Variants in CASTOR2 observed in about 807,000 individuals in gnomAD.
The protein encoded by CASTOR2 is GATS protein like 2.
A neutral mutation model predicts 31.2 loss-of-function variants in CASTOR2; 8 were observed. The observed-to-expected ratio is 0.26, with a 90% CI of 0.15 to 0.46. The LOEUF (loss-of-function observed/expected upper bound fraction) is 0.46. Ranked by LOEUF, CASTOR2 falls within the 20% of genes least tolerant of loss-of-function variation. The probability of loss-of-function intolerance (pLI) is 0.99; values close to 1 mark genes in which losing one functional copy is unlikely to be tolerated. For missense variants in CASTOR2, 216 were observed against 382.1 expected, an observed-to-expected ratio of 0.57 and a Z score of 3.62; for synonymous variants, 162 against 158.7, an observed-to-expected ratio of 1.02 and a Z score of -0.16.
intron 2 of CASTOR2, among the ~76,000 whole-genome samples, chr7:75,017,393 G>T (rs1268300238): frequency 1.3e-5 from 2 of 152,096 alleles, no homozygotes; most frequent in African/African-American, 4.8e-5. Flanking sequence ...GTTGCAGTGA[G>T]CCGAGATCGC....
intron 1 of CASTOR2, among the ~76,000 whole-genome samples, chr7:75,001,709 A>G (rs1300986486): frequency 1.3e-5 from 2 of 152,180 alleles, no homozygotes; most frequent in Non-Finnish European, 2.9e-5. Flanking sequence ...TGTTGATTCC[A>G]TGCCCAGCCA....
intron 1 of CASTOR2, among the ~76,000 whole-genome samples, chr7:74,996,714 G>GTTTT (rs1804356173): frequency 6.8e-5 from 3 of 44,066 alleles, no homozygotes; most frequent in Admixed American, 3.4e-4. Context: ...CATGCCTGGT[G>GTTTT]CTTTTTTTTT....
intron 1 of CASTOR2, among the ~76,000 whole-genome samples, chr7:74,979,461 G>A (rs1163815303): frequency 1.9e-5 from 2 of 104,194 alleles, no homozygotes; most frequent in Non-Finnish European, 3.7e-5. Flanking sequence ...GTGCAATCTC[G>A]GCTCAGTACA....
intron 1 of CASTOR2, among the ~76,000 whole-genome samples, chr7:74,977,248 G>A (rs1344040124): frequency 2.7e-5 from 4 of 150,322 alleles, no homozygotes; most frequent in South Asian, 2.1e-4. Flanking sequence ...GCCTGCACAC[G>A]GCTGGAAAGG....
rs1805222968 is a variant in CASTOR2 at position 75,029,018 on chromosome 7, A to AT, written c.*4322dup. 6.6e-6 allele frequency among the ~76,000 whole-genome samples: 1 copy of AT among 152,202 alleles called. No individual in the cohort carries two copies. Among genetic ancestry groups the AT allele is most frequent in the Non-Finnish European group, 1.5e-5 (1 of 68,026 alleles). On this transcript the variant is annotated 3_prime_UTR_variant, in exon 9 of 9. Coordinates refer to ENST00000616305, the MANE Select transcript of CASTOR2 (RefSeq NM_001145064.3). ...GAAGCAGCAGCGTAGCCAGGGTGAC[A>AT]TTTGTTCAGCAGGAGGAGGCTTGGT... is the stretch of plus-strand genomic sequence containing the variant.
chr7:75,001,369 C>T (rs1237756524), intron 1 of CASTOR2, among the ~76,000 whole-genome samples: 16 of 152,316 alleles, frequency 1.1e-4, no homozygotes, highest in Admixed American at 6.5e-4. Context: ...TGAGCCACTG[C>T]GCCCGGCCTC....
At chr7:74,972,652 G>A (rs1803702514) in intron 1 of CASTOR2, among the ~76,000 whole-genome samples, 1 of 150,418 alleles carries the variant, frequency 6.6e-6, no homozygotes, top group African/African-American at 2.4e-5. Context: ...ACGAGCCATG[G>A]TGAACACTAA....
chr7:75,024,572 G>C, intron 8 of CASTOR2, 38 bp downstream of exon 8: 2 of 1,550,474 alleles, frequency 1.3e-6, no homozygotes. Flanking sequence ...GGGCAGGGCC[G>C]GGGTGGGGAA....
chr7:75,003,255 G>C (rs1449321405), intron 1 of CASTOR2, among the ~76,000 whole-genome samples: 1 of 152,020 alleles, frequency 6.6e-6, no homozygotes, highest in Non-Finnish European at 1.5e-5. Flanking sequence ...AAGACCAGTC[G>C]GGGCAACATA....
At position 75,031,290 on chromosome 7, in the gene CASTOR2, C is replaced by T. The variant is rs1805296578; in HGVS notation, c.*6591C>T. Reference sequence around the variant, plus strand: ...CCCCCTCCAACCCTCACCTGGCGTGCCCGGGTCACCAGCAGCAGCAGCGGC... The same window carrying T: ...CCCCCTCCAACCCTCACCTGGCGTGTCCGGGTCACCAGCAGCAGCAGCGGC... On this transcript the variant is annotated 3_prime_UTR_variant, in exon 9 of 9. Transcript: ENST00000616305. Among the ~76,000 whole-genome samples, 1 of 152,136 alleles carries T rather than the reference C, an allele frequency of 6.6e-6. No individual in the cohort carries two copies. Among genetic ancestry groups the T allele is most frequent in the Admixed American group, 6.5e-5 (1 of 15,284 alleles).
At chr7:75,018,256 A>T in intron 4 of CASTOR2, 134 bp downstream of exon 4, 1 of 1,495,384 alleles carries the variant, frequency 6.7e-7, no homozygotes, top group Non-Finnish European at 9.0e-7. Context: ...CGGGATGCAA[A>T]GGGCCCAGTG....
intron 1 of CASTOR2, among the ~76,000 whole-genome samples, chr7:74,989,663 A>G (rs1584464028): frequency 6.8e-6 from 1 of 146,884 alleles, no homozygotes; most frequent in African/African-American, 2.5e-5. Flanking sequence ...CGATCCTCCC[A>G]CCCCAGCCTC....
rs1804458944 is a variant in CASTOR2 at position 75,000,125 on chromosome 7, C to T, written c.114-7869C>T. On this transcript the variant is annotated intron_variant, in intron 1 of 8. Transcript: ENST00000616305. ...TCTATAGTCCCAGCTACTCAGGAGG[C>T]TGAGGTGGGAGGATCGCTTGAGCCC... Among the ~76,000 whole-genome samples the T allele has an allele frequency of 5.3e-5, 8 of 152,272 alleles. No homozygotes were observed. In the South Asian group the frequency reaches 1.7e-3, roughly 32 times the overall value.
rs1215241232 is a variant in CASTOR2, at chr7:75,026,153, G to GGACCAA, written c.*1456_*1461dup. 1.3e-5 allele frequency among the ~76,000 whole-genome samples: 2 copies of GGACCAA among 150,964 alleles called. No homozygotes were observed. Among genetic ancestry groups the GGACCAA allele is most frequent in the African/African-American group, 2.4e-5 (1 of 40,844 alleles). On this transcript the variant is annotated 3_prime_UTR_variant, in exon 9 of 9. Transcript: ENST00000616305. ...AGTGGGGTGGTTTTCTGAATGAGCAGGACCAAGGGCCCCTGTGGTTTTGGC... is the reference window on the plus strand; with the variant it reads ...AGTGGGGTGGTTTTCTGAATGAGCAGGACCAAGACCAAGGGCCCCTGTGGTTTTGGC...
At chr7:75,007,959 C>T (rs1449978580) in intron 1 of CASTOR2, 35 bp from the exon 2 acceptor site, 49,500 of 1,613,872 alleles carry the variant, frequency 0.031, 956 homozygotes, top group Non-Finnish European at 0.035. Context: ...CCTGCCTGGA[C>T]TAATGAGATA....
intron 1 of CASTOR2, among the ~76,000 whole-genome samples, chr7:75,000,643 G>A (rs1172834004): frequency 6.6e-6 from 1 of 152,004 alleles, no homozygotes; most frequent in Non-Finnish European, 1.5e-5. Flanking sequence ...AACCCCGCTG[G>A]CCAGGCTCTT....
In CASTOR2 at chr7:74,971,985, CTTTA is replaced by C. The variant is rs1204797200; in HGVS notation, c.113+6899_113+6902del. Among the ~76,000 whole-genome samples the C allele has an allele frequency of 8.0e-5, 12 of 150,710 alleles. No homozygotes were observed. The East Asian group carries it at 2.3e-3, about 29-fold the overall frequency. On this transcript the variant is annotated intron_variant, in intron 1 of 8. Transcript: ENST00000616305. ...TATTAATATTAGTATGGAGACATCT[CTTTA>C]TTTATTTATTTTGGAGACAAGCTCT...
At chr7:75,023,315 GAAAA>G (rs1237575458) in intron 7 of CASTOR2, among the ~76,000 whole-genome samples, 1 of 145,806 alleles carries the variant, frequency 6.9e-6, no homozygotes, top group Admixed American at 6.9e-5. Context: ...CTCAAAAAAA[GAAAA>G]AAAAAAGAAG....
intron 1 of CASTOR2, among the ~76,000 whole-genome samples, chr7:74,985,392 C>G (rs1387611024): frequency 1.3e-5 from 2 of 151,760 alleles, no homozygotes; most frequent in East Asian, 3.9e-4. Flanking sequence ...CCAGCCTGGG[C>G]AACATAGTGA....
Sources: allele counts gnomAD v4.1 joint callset (sites outside exome capture counted in the v4.1 genomes callset), GRCh38; gene constraint gnomAD v4.1.1; transcripts MANE v1.5; gene names NCBI Gene and HGNC (gene_info 2026-07-23, HGNC 2026-07-21).